The following CTNNA1 variants were observed in gnomAD, a reference collection of about 807,000 sequenced individuals.
The protein encoded by CTNNA1 is catenin alpha 1.
Under a neutral mutation model 98.4 loss-of-function variants are expected in CTNNA1, and 37 were observed. The ratio of observed to expected loss-of-function variants is 0.38; its 90% CI spans 0.29 to 0.49. CTNNA1 has a LOEUF of 0.49. Ranked by LOEUF, CTNNA1 falls within the 20% of genes least tolerant of loss-of-function variation. The pLI, the probability that CTNNA1 is intolerant of heterozygous loss-of-function variation, is 0.95. For synonymous variants in CTNNA1, 404 were observed against 413.2 expected, an observed-to-expected ratio of 0.98 and a Z score of 0.27; for missense variants, 761 against 1,147.2, an observed-to-expected ratio of 0.66 and a Z score of 4.86.
At chr5:138,836,019 T>C (rs1400087750) in intron 7 of CTNNA1, among the ~76,000 whole-genome samples, 12 of 152,264 alleles carry the variant, frequency 7.9e-5, no homozygotes, top group African/African-American at 2.9e-4. Context: ...CCTAGCTAAT[T>C]TTTGTATTTT....
At chr5:138,794,129 T>A (rs1162071306) in intron 3 of CTNNA1, among the ~76,000 whole-genome samples, 1 of 151,622 alleles carries the variant, frequency 6.6e-6, no homozygotes, top group East Asian at 2.0e-4. Flanking sequence ...GTGATTCTCC[T>A]GCCTCAGCCT....
chr5:138,801,771 C>G (rs1335796041), intron 3 of CTNNA1, among the ~76,000 whole-genome samples: 1 of 152,074 alleles, frequency 6.6e-6, no homozygotes, highest in African/African-American at 2.4e-5. Context: ...TTATTCAACA[C>G]AACAAAGATG....
chr5:138,894,165 CG>C, intron 9 of CTNNA1, among the ~76,000 whole-genome samples: 1 of 151,920 alleles, frequency 6.6e-6, no homozygotes, highest in African/African-American at 2.4e-5. Flanking sequence ...GTGATCCACC[CG>C]CCTCAGCCTC....
At chr5:138,811,712 T>C (rs931076264) in intron 4 of CTNNA1, among the ~76,000 whole-genome samples, 1 of 151,900 alleles carries the variant, frequency 6.6e-6, no homozygotes, top group African/African-American at 2.4e-5. Flanking sequence ...GGTTAGGAGC[T>C]GGAGACCAGC....
intron 1 of CTNNA1, among the ~76,000 whole-genome samples, chr5:138,765,127 G>A (rs1489273633): frequency 6.6e-6 from 1 of 151,538 alleles, no homozygotes; most frequent in Non-Finnish European, 1.5e-5. Flanking sequence ...TGCAACCTCC[G>A]CCTCCCAGGT....
At chr5:138,754,263 T>C (rs927040928) in intron 1 of CTNNA1, 5 of 152,088 alleles carry the variant, frequency 3.3e-5, no homozygotes, top group South Asian at 2.1e-4. Flanking sequence ...TGTTGACTTT[T>C]AAAGGAGCGT....
intron 7 of CTNNA1, among the ~76,000 whole-genome samples, chr5:138,848,774 G>T (rs768767494): frequency 2.0e-5 from 3 of 152,120 alleles, no homozygotes; most frequent in Non-Finnish European, 4.4e-5. Context: ...GCCCAGGCTG[G>T]AGTGCAGTGG....
chr5:138,878,424 T>C (rs1014950796), intron 7 of CTNNA1, among the ~76,000 whole-genome samples: 4 of 152,262 alleles, frequency 2.6e-5, no homozygotes, highest in African/African-American at 7.2e-5. Flanking sequence ...GCAGCTTTTT[T>C]CCGCAAACAT....
intron 1 of CTNNA1, among the ~76,000 whole-genome samples, chr5:138,776,910 C>T (rs1401154192): frequency 7.4e-6 from 1 of 134,802 alleles, no homozygotes; most frequent in African/African-American, 2.8e-5. Context: ...CTGACCCCCC[C>T]ACCTCCCTCC....
intron 1 of CTNNA1, among the ~76,000 whole-genome samples, chr5:138,765,726 G>A (rs1412611735): frequency 6.6e-6 from 1 of 151,830 alleles, no homozygotes; most frequent in East Asian, 2.0e-4. Flanking sequence ...CGAGGCAGGT[G>A]GATCACGAGG....
intron 1 of CTNNA1, among the ~76,000 whole-genome samples, chr5:138,765,370 C>T (rs1055094002): frequency 3.3e-5 from 5 of 150,600 alleles, no homozygotes; most frequent in East Asian, 4.0e-4. Flanking sequence ...TTAGTAGAGA[C>T]GAGGTTTCAC....
chr5:138,818,267 CTTT>C lies in CTNNA1; in HGVS notation c.588+5977_588+5979del, dbSNP rs58648221. Among the ~76,000 whole-genome samples, 954 of 145,128 alleles carry C rather than the reference CTTT, an allele frequency of 6.6e-3. 15 individuals are homozygous for C. Among genetic ancestry groups the C allele is most frequent in the East Asian group, 0.059 (293 of 5,006 alleles). ...GGGGCTACAGGCATGCCATATCCAG[CTTT>C]TTTTTTTTTTTGGGAGCGGGGGTGG... On this transcript the variant is annotated intron_variant, in intron 5 of 17. Coordinates refer to ENST00000302763, the MANE Select transcript of CTNNA1 (RefSeq NM_001903.5).
intron 3 of CTNNA1, among the ~76,000 whole-genome samples, chr5:138,789,132 T>G (rs972760193): frequency 6.6e-6 from 1 of 152,146 alleles, no homozygotes; most frequent in Non-Finnish European, 1.5e-5. Flanking sequence ...TGATAGTGTG[T>G]GGTCCCTGAG....
intron 1 of CTNNA1, among the ~76,000 whole-genome samples, chr5:138,759,984 T>C (rs1270305152): frequency 1.6e-5 from 2 of 125,750 alleles, no homozygotes; most frequent in South Asian, 2.9e-4. Context: ...TCTTTCCTTT[T>C]TTTTTTTTTT....
At position 138,934,177 on chromosome 5, in the gene CTNNA1, C is replaced by T. The variant is rs1029849266; in HGVS notation, c.*88C>T. 5.2e-6 allele frequency: 5 copies of T among 958,202 alleles called. No homozygotes were observed. The highest frequency in any genetic ancestry group is 2.5e-5 in the East Asian group (1 of 40,234). The allele number at this position is 958,202 out of a possible 1,614,324, so 59.4% of individuals were successfully genotyped here. On this transcript the variant is annotated 3_prime_UTR_variant, in exon 18 of 18. Coordinates refer to ENST00000302763, the MANE Select transcript of CTNNA1 (RefSeq NM_001903.5). Reference sequence around the variant, plus strand: ...TCAAATGAATTTGCTAAATACAACACTGATACTAGATTCCACAGGGAAATG... The same window carrying T: ...TCAAATGAATTTGCTAAATACAACATTGATACTAGATTCCACAGGGAAATG...
chr5:138,834,297 A>T (rs1761563372), intron 7 of CTNNA1, among the ~76,000 whole-genome samples: 1 of 152,174 alleles, frequency 6.6e-6, no homozygotes, highest in Admixed American at 6.5e-5. Context: ...TATTGTCCAT[A>T]ATCCCACCAC....
At chr5:138,832,277 T>C (rs1761346312) in intron 7 of CTNNA1, among the ~76,000 whole-genome samples, 1 of 152,168 alleles carries the variant, frequency 6.6e-6, no homozygotes, top group African/African-American at 2.4e-5. Context: ...AATATTGACA[T>C]AAAAGTAATG....
At chr5:138,897,595 T>C (rs921414977) in intron 9 of CTNNA1, among the ~76,000 whole-genome samples, 1 of 152,100 alleles carries the variant, frequency 6.6e-6, no homozygotes, top group Non-Finnish European at 1.5e-5. Context: ...GCTTCAGTTT[T>C]CTCAGATTAT....
chr5:138,932,840 G>A (rs1411085893), intron 17 of CTNNA1, 128 bp downstream of exon 17: 4 of 1,208,770 alleles, frequency 3.3e-6, no homozygotes, highest in Non-Finnish European at 3.7e-6. Context: ...TCCAAGTCCT[G>A]TCCCAGTCTC....
Sources: allele counts gnomAD v4.1 joint callset (sites outside exome capture counted in the v4.1 genomes callset), GRCh38; gene constraint gnomAD v4.1.1; transcripts MANE v1.5; gene names NCBI Gene and HGNC (gene_info 2026-07-23, HGNC 2026-07-21).